Variants in RNF144A observed in about 807,000 individuals in gnomAD.
The protein encoded by RNF144A is ring finger protein 144A, also known as E3 ubiquitin-protein ligase RNF144A.
A neutral mutation model predicts 38.7 loss-of-function variants in RNF144A; 11 were observed. The ratio of observed to expected loss-of-function variants is 0.28; its 90% CI spans 0.18 to 0.47. The LOEUF (loss-of-function observed/expected upper bound fraction) is 0.47, where lower values mean the gene tolerates loss of function less well. Among genes scored for constraint, RNF144A ranks in the 20% least tolerant of loss-of-function variants. RNF144A has a pLI of 0.99. For synonymous variants in RNF144A, 149 were observed against 143.9 expected (o/e 1.04, Z -0.25); for missense variants, 316 against 377.2 (o/e 0.84, Z 1.34).
chr2:6,978,504 C>T (rs1668442373), intron 2 of RNF144A: 1 of 152,240 alleles, frequency 6.6e-6, no homozygotes, highest in Non-Finnish European at 1.5e-5. Flanking sequence ...ATAATTACTC[C>T]ACACAGACTT....
chr2:7,017,080 G>A (rs140095479), intron 5 of RNF144A, among the ~76,000 whole-genome samples: 2 of 152,148 alleles, frequency 1.3e-5, no homozygotes, highest in African/African-American at 2.4e-5. Context: ...GAGCGAGGGG[G>A]TGTGGATGCC....
chr2:6,956,327 C>T (rs1185920649), intron 2 of RNF144A, among the ~76,000 whole-genome samples: 1 of 152,122 alleles, frequency 6.6e-6, no homozygotes, highest in East Asian at 1.9e-4. Context: ...TCGTCTGTAC[C>T]CATGGCGTGT....
chr2:6,953,143 A>G (rs1326931650), intron 2 of RNF144A, among the ~76,000 whole-genome samples: 7 of 152,102 alleles, frequency 4.6e-5, no homozygotes. Context: ...TTTTCTTTTC[A>G]GGGCTGGACG....
chr2:6,965,084 C>G (rs144880588), intron 2 of RNF144A, among the ~76,000 whole-genome samples: 1 of 152,078 alleles, frequency 6.6e-6, no homozygotes, highest in Non-Finnish European at 1.5e-5. Context: ...CGTGTGTGTG[C>G]GGGGTGCCCT....
Position 7,041,417 on chromosome 2 carries a change from T to C in RNF144A, c.*1657T>C, listed in dbSNP as rs1284216660. 2.2e-5 allele frequency: 22 copies of C among 985,778 alleles called. No homozygotes were observed. The highest frequency in any genetic ancestry group is 2.4e-5 in the Non-Finnish European group (20 of 829,950). The allele number at this position is 985,778 out of a possible 1,614,324, so 61.1% of individuals were successfully genotyped here. ...TTTTCCTTATGAACCCGAAGCCATT[T>C]AGAAAATCCCTGTGTGTCAAAATTA... On this transcript the variant is annotated 3_prime_UTR_variant, in exon 9 of 9. Coordinates refer to ENST00000320892, the MANE Select transcript of RNF144A (RefSeq NM_014746.6).
At chr2:6,986,303 C>T (rs1331964547) in intron 2 of RNF144A, among the ~76,000 whole-genome samples, 1 of 151,986 alleles carries the variant, frequency 6.6e-6, no homozygotes, top group Non-Finnish European at 1.5e-5. Context: ...TTCCTCCTCC[C>T]TACTCTGTTA....
chr2:6,959,175 G>A (rs189610684), intron 2 of RNF144A, among the ~76,000 whole-genome samples: 46 of 152,306 alleles, frequency 3.0e-4, no homozygotes, highest in African/African-American at 9.9e-4. Context: ...CATCAGAAGC[G>A]CCCTGGCTTG....
At chr2:6,982,171 A>G (rs1202280396) in intron 2 of RNF144A, among the ~76,000 whole-genome samples, 1 of 152,170 alleles carries the variant, frequency 6.6e-6, no homozygotes, top group African/African-American at 2.4e-5. Flanking sequence ...TTGGGTGGGG[A>G]CACAGAGCCA....
chr2:6,919,216 C>A (rs1235977352), intron 1 of RNF144A, among the ~76,000 whole-genome samples: 1 of 152,088 alleles, frequency 6.6e-6, no homozygotes, highest in Non-Finnish European at 1.5e-5. Flanking sequence ...CAGGAAGGGC[C>A]TCTGTCCAGA....
intron 5 of RNF144A, among the ~76,000 whole-genome samples, chr2:7,019,986 C>T (rs1046584366): frequency 5.3e-5 from 8 of 152,208 alleles, no homozygotes; most frequent in African/African-American, 7.2e-5. Context: ...CTCTTCCTCT[C>T]GGTCTTCTAG....
At chr2:6,990,568 C>CAA (rs1215414271) in intron 2 of RNF144A, among the ~76,000 whole-genome samples, 2 of 65,354 alleles carry the variant, frequency 3.1e-5, no homozygotes, top group African/African-American at 1.3e-4. Context: ...TTGCTACACA[C>CAA]ACAAACACAC....
At chr2:7,038,428 G>C (rs1167515747) in intron 8 of RNF144A, among the ~76,000 whole-genome samples, 3 of 152,174 alleles carry the variant, frequency 2.0e-5, no homozygotes, top group African/African-American at 7.2e-5. Context: ...ATTAGATCTT[G>C]GTCTTTTTCT....
At chr2:6,930,581 G>A (rs1031768514) in intron 1 of RNF144A, among the ~76,000 whole-genome samples, 25 of 151,454 alleles carry the variant, frequency 1.7e-4, no homozygotes, top group East Asian at 1.9e-4. Flanking sequence ...ACATACATAC[G>A]TGTATATATA....
At chr2:6,993,024 AT>A (rs1215636866) in intron 2 of RNF144A, among the ~76,000 whole-genome samples, 8 of 152,272 alleles carry the variant, frequency 5.3e-5, no homozygotes, top group African/African-American at 1.9e-4. Flanking sequence ...GTGCATTGTG[AT>A]TCTCTTAGCA....
chr2:7,013,717 C>T lies in RNF144A; in HGVS notation c.136-737C>T, dbSNP rs1452921909. On this transcript the variant is annotated intron_variant, in intron 3 of 8. Transcript: ENST00000320892. ...ACACTAGATTTCTAAGACTAGTAGA[C>T]TTTGTAAAGCAGGAGTGAAGACCAC... 2.0e-5 allele frequency among the ~76,000 whole-genome samples: 3 copies of T among 152,192 alleles called. No individual in the cohort carries two copies. The East Asian group carries it at 5.8e-4, about 29-fold the overall frequency.
At chr2:6,936,612 A>G (rs1057200551) in intron 1 of RNF144A, among the ~76,000 whole-genome samples, 21 of 152,364 alleles carry the variant, frequency 1.4e-4, no homozygotes, top group African/African-American at 5.1e-4. Flanking sequence ...ACTTGGTGAA[A>G]GAAAGAAATG....
rs555432192 is a variant in RNF144A, at chr2:6,952,504, C to T, written c.-12+11357C>T. 2.0e-5 allele frequency among the ~76,000 whole-genome samples: 3 copies of T among 151,002 alleles called. No individual in the cohort carries two copies. The South Asian group carries it at 6.3e-4, about 32-fold the overall frequency. ...AACTGAAAACGAGACCTAGTGATTTCATTGTAGGAAGATTTCTAATCAATT... is the reference window on the plus strand; with the variant it reads ...AACTGAAAACGAGACCTAGTGATTTTATTGTAGGAAGATTTCTAATCAATT... On this transcript the variant is annotated intron_variant, in intron 2 of 8. Coordinates refer to ENST00000320892, the MANE Select transcript of RNF144A (RefSeq NM_014746.6).
intron 6 of RNF144A, among the ~76,000 whole-genome samples, chr2:7,021,304 G>C (rs1204233803): frequency 6.6e-6 from 1 of 152,080 alleles, no homozygotes; most frequent in Non-Finnish European, 1.5e-5. Context: ...TGCTCCTGTT[G>C]AGTCCAGGAT....
At chr2:6,961,052 TG>T (rs943811984) in intron 2 of RNF144A, among the ~76,000 whole-genome samples, 15 of 152,292 alleles carry the variant, frequency 9.8e-5, no homozygotes, top group African/African-American at 3.6e-4. Context: ...CGTGGTCCTC[TG>T]GATGTCTTTC....
Sources: allele counts gnomAD v4.1 joint callset (sites outside exome capture counted in the v4.1 genomes callset), GRCh38; gene constraint gnomAD v4.1.1; transcripts MANE v1.5; gene names NCBI Gene and HGNC (gene_info 2026-07-23, HGNC 2026-07-21).